The following MEPCE variants were observed in gnomAD, a reference collection of about 807,000 sequenced individuals.
The protein encoded by MEPCE is methylphosphate capping enzyme, also known as 7SK snRNA methylphosphate capping enzyme.
MEPCE carries 9 observed loss-of-function variants against 52.3 expected under a neutral mutation model. That is an observed-to-expected ratio of 0.17 (90% CI 0.10 to 0.30). The LOEUF is 0.30. Ranked by LOEUF, MEPCE falls within the 10% of genes least tolerant of loss-of-function variation. The pLI is 1.00. For missense variants in MEPCE, 826 were observed against 933.0 expected (o/e 0.89, Z 1.49); for synonymous variants, 477 against 401.6 (o/e 1.19, Z -2.25).
Position 100,429,958 on chromosome 7 carries a change from G to GGGGGGGTTAGGGTCCAGGCA in MEPCE, c.-50_-49insGTCCAGGCAGGGGGGTTAGG. The stretch of plus-strand genomic sequence containing the variant: ...GGGGGAAGGGAGCAGGGTCCAGGCA[G>GGGGGGGTTAGGGTCCAGGCA]GGGGGGTTAGGCCCCCTGATCCCCC... On this transcript the variant is annotated 5_prime_UTR_variant, in exon 1 of 4. Transcript: ENST00000310512. 1.7e-6 allele frequency: 2 copies of GGGGGGGTTAGGGTCCAGGCA among 1,148,712 alleles called. No individual in the cohort carries two copies. Among genetic ancestry groups the GGGGGGGTTAGGGTCCAGGCA allele is most frequent in the Non-Finnish European group, 2.2e-6 (2 of 908,788 alleles). 71.2% of individuals were successfully genotyped at this position (1,148,712 alleles called of 1,614,324 possible). A position where few individuals can be genotyped will look rare whatever the true frequency, so the allele number is the denominator to read the frequency against.
intron 1 of MEPCE, 73 bp from the exon 2 acceptor site, chr7:100,432,846 T>C (rs1268040359): frequency 7.2e-7 from 1 of 1,388,562 alleles, no homozygotes; most frequent in African/African-American, 1.4e-5. Context: ...TGTATCGGCC[T>C]CAGAGCAGGT....
chr7:100,432,498 G>GA (rs967308940), intron 1 of MEPCE, among the ~76,000 whole-genome samples: 5 of 152,196 alleles, frequency 3.3e-5, no homozygotes, highest in African/African-American at 9.7e-5. Context: ...GAATAGGCCT[G>GA]AAACTTTGCC....
At position 100,433,796 on chromosome 7, in the gene MEPCE, C is replaced by CTGGA. The variant is rs762907981; in HGVS notation, c.*246_*249dup. Reference sequence around the variant, plus strand: ...TCTTCCTCTCCCCCAGCCTCCCAGGCTGGATGGCATGGACTGTTTGCTGAC... The same window carrying CTGGA: ...TCTTCCTCTCCCCCAGCCTCCCAGGCTGGATGGATGGCATGGACTGTTTGCTGAC... On this transcript the variant is annotated 3_prime_UTR_variant, in exon 4 of 4. Transcript: ENST00000310512. 1 of 576,080 alleles carries CTGGA rather than the reference C, an allele frequency of 1.7e-6. No individual in the cohort carries two copies. Among genetic ancestry groups the CTGGA allele is most frequent in the Non-Finnish European group, 3.1e-6 (1 of 324,598 alleles). 35.7% of individuals were successfully genotyped at this position (576,080 alleles called of 1,614,324 possible).
In MEPCE at chr7:100,430,134, C is replaced by T; in HGVS notation, c.116C>T (p.Ala39Val). 1 of 1,290,588 alleles carries T rather than the reference C, an allele frequency of 7.7e-7. No individual in the cohort carries two copies. Among genetic ancestry groups the T allele is most frequent in the Non-Finnish European group, 9.8e-7 (1 of 1,020,486 alleles). 79.9% of individuals were successfully genotyped at this position (1,290,588 alleles called of 1,614,324 possible). The change falls in exon 1 of 4, where the codon GCC becomes GTC. Residue 39 changes from alanine to valine, a missense_variant. This residue lies in a region of MEPCE where 314 missense variants were observed against 277.7 expected (regional missense o/e 1.13). Coordinates refer to ENST00000310512, the MANE Select transcript of MEPCE (RefSeq NM_019606.6). Reference protein sequence around the residue: ...GPTVPPHQEAASGELRGGTER... With the variant: ...GPTVPPHQEAVSGELRGGTER... The stretch of plus-strand genomic sequence containing the variant: ...ACGGTGCCACCGCACCAAGAGGCCG[C>T]CTCTGGGGAGCTCCGCGGCGGGACG...
In MEPCE at chr7:100,430,607, C is replaced by T; in HGVS notation, c.589C>T (p.Leu197=). The change falls in exon 1 of 4, where the codon CTG becomes TTG. Residue 197 remains leucine, a synonymous_variant. Coordinates refer to ENST00000310512, the MANE Select transcript of MEPCE (RefSeq NM_019606.6). The part of the protein sequence containing the change: ...LGGNIFDPLN[L]NSLLDEEVSR... ...GGGCAATATCTTTGATCCCCTGAAC[C>T]TGAATAGCCTCCTGGATGAGGAAGT... is the stretch of plus-strand genomic sequence containing the variant. 1.2e-6 allele frequency: 2 copies of T among 1,612,618 alleles called. No individual in the cohort carries two copies. Among genetic ancestry groups the T allele is most frequent in the Non-Finnish European group, 1.7e-6 (2 of 1,179,582 alleles).
In MEPCE at chr7:100,430,351, C is replaced by A. The variant is rs745693430; in HGVS notation, c.333C>A (p.Asp111Glu). Residue 111 changes from aspartate (D) to glutamate (E), a missense_variant, in exon 1 of 4, where the codon GAC (aspartate) becomes GAA (glutamate). Physicochemically the swap from Asp to Glu is conservative, Grantham distance 45. Around this residue, in one of 7 missense-constraint regions of MEPCE, gnomAD observed 314 missense variants for 277.7 expected, o/e 1.13. Coordinates refer to ENST00000310512, the MANE Select transcript of MEPCE (RefSeq NM_019606.6). Reference protein sequence around the residue: ...SDPPGRAAPPDVGEERRGGGG... With the variant: ...SDPPGRAAPPEVGEERRGGGG... ...CCCCGGGGCGAGCCGCTCCCCCGGA[C>A]GTGGGGGAGGAGCGCCGGGGAGGGG... 2.2e-5 allele frequency: 32 copies of A among 1,430,974 alleles called. No homozygotes were observed. Among genetic ancestry groups the A allele is most frequent in the Non-Finnish European group, 2.8e-5 (31 of 1,095,178 alleles). The allele number at this position is 1,430,974 out of a possible 1,614,324, so 88.6% of individuals were successfully genotyped here. A position where few individuals can be genotyped will look rare whatever the true frequency, so the allele number is the denominator to read the frequency against.
At chr7:100,433,459 T>C (rs374583999) in intron 3 of MEPCE, 43 bp from the exon 4 acceptor site, 41 of 1,613,914 alleles carry the variant, frequency 2.5e-5, no homozygotes, top group Non-Finnish European at 3.3e-5. Flanking sequence ...TGGGGATTCT[T>C]GAGGTGCTGC....
At position 100,430,264 on chromosome 7, in the gene MEPCE, G is replaced by A; in HGVS notation, c.246G>A (p.Ala82=). ...CCACCTCCTCCAGTGGTCCCCAGGCGCAGCAGCACCGAGGGGGCGGCCCCC... is the reference window on the plus strand; with the variant it reads ...CCACCTCCTCCAGTGGTCCCCAGGCACAGCAGCACCGAGGGGGCGGCCCCC... ...AAATSSSGPQ[A]QQHRGGGPQA... Residue 82 remains alanine (A), a synonymous_variant, in exon 1 of 4, where the codon GCG becomes GCA. Transcript: ENST00000310512. The A allele has an allele frequency of 7.3e-7, 1 of 1,369,934 alleles. No homozygotes were observed. The highest frequency in any genetic ancestry group is 9.4e-7 in the Non-Finnish European group (1 of 1,066,714). The allele number at this position is 1,369,934 out of a possible 1,614,324, so 84.9% of individuals were successfully genotyped here.
chr7:100,432,371 T>C (rs1018001102), intron 1 of MEPCE, among the ~76,000 whole-genome samples: 2 of 152,172 alleles, frequency 1.3e-5, no homozygotes, highest in African/African-American at 4.8e-5. Flanking sequence ...CTGGGATCTT[T>C]GGCATTGTGT....
rs1798582520 is a variant in MEPCE, at chr7:100,430,209, C to T, written c.191C>T (p.Ala64Val). The T allele has an allele frequency of 2.3e-6, 3 of 1,311,244 alleles. No individual in the cohort carries two copies. The highest frequency in any genetic ancestry group is 4.6e-5 in the South Asian group (2 of 43,910). The allele number at this position is 1,311,244 out of a possible 1,614,324, so 81.2% of individuals were successfully genotyped here. ...CAPSAGSPAAAVGRESPGAAA... is the reference protein window; with the variant it reads ...CAPSAGSPAAVVGRESPGAAA... ...CCATCTGCGGGGTCCCCAGCCGCTGCGGTCGGTCGGGAAAGCCCCGGGGCC... is the reference window on the plus strand; with the variant it reads ...CCATCTGCGGGGTCCCCAGCCGCTGTGGTCGGTCGGGAAAGCCCCGGGGCC... Residue 64 changes from alanine to valine, a missense_variant, in exon 1 of 4, where the codon GCG (alanine) becomes GTG (valine). Ala to Val is a moderately conservative substitution (Grantham distance 64, BLOSUM62 0). This residue lies in a region of MEPCE where 314 missense variants were observed against 277.7 expected (regional missense o/e 1.13). Transcript: ENST00000310512.
chr7:100,433,327 C>T lies in MEPCE; in HGVS notation c.1955C>T (p.Thr652Ile), dbSNP rs147182457. The T allele has an allele frequency of 3.7e-6, 6 of 1,614,186 alleles. No individual in the cohort carries two copies. In the African/African-American group the frequency reaches 5.3e-5, roughly 14 times the overall value. Residue 652 changes from threonine (T) to isoleucine (I), a missense_variant, in exon 3 of 4, where the codon ACA becomes ATA. Around this residue, in one of 7 missense-constraint regions of MEPCE, gnomAD observed 82 missense variants for 121.4 expected, o/e 0.68. Coordinates refer to ENST00000310512, the MANE Select transcript of MEPCE (RefSeq NM_019606.6). ...CCAGAGCAGTTCAGTTCCTACCTGA[C>T]ATCCCCAGACGTGGGCTTCTCCAGC... ...LKPEQFSSYL[T>I]SPDVGFSSYE... is the part of the protein sequence containing the mutation.
At chr7:100,433,470 C>T (rs200682032) in intron 3 of MEPCE, 32 bp from the exon 4 acceptor site, 1 of 1,614,016 alleles carries the variant, frequency 6.2e-7, no homozygotes, top group South Asian at 1.1e-5. Context: ...GAGGTGCTGC[C>T]AACCCCTTCT....
Position 100,430,478 on chromosome 7 carries a change from A to C in MEPCE, c.460A>C (p.Asn154His), listed in dbSNP as rs776008948. The change falls in exon 1 of 4, where the codon AAT (asparagine) becomes CAT (histidine). Residue 154 changes from asparagine (N) to histidine (H), a missense_variant. Asn to His is a moderately conservative substitution (Grantham distance 68). This residue lies in a region of MEPCE where 314 missense variants were observed against 277.7 expected (regional missense o/e 1.13). Transcript: ENST00000310512. Reference protein sequence around the residue: ...GGGGKRRNSCNVGGGGGGFKH... With the variant: ...GGGGKRRNSCHVGGGGGGFKH... Reference sequence around the variant, plus strand: ...CGGGGGCAAGAGGAGAAATAGCTGTAATGTAGGGGGAGGCGGGGGAGGCTT... The same window carrying C: ...CGGGGGCAAGAGGAGAAATAGCTGTCATGTAGGGGGAGGCGGGGGAGGCTT... The C allele has an allele frequency of 7.6e-6, 12 of 1,569,746 alleles. No homozygotes were observed. The highest frequency in any genetic ancestry group is 1.7e-4 in the Middle Eastern group (1 of 5,902).
At position 100,433,607 on chromosome 7, in the gene MEPCE, C is replaced by CCT; in HGVS notation, c.*54_*55dup. 3 of 1,555,264 alleles carry CCT rather than the reference C, an allele frequency of 1.9e-6. No homozygotes were observed. In the African/African-American group the frequency reaches 4.1e-5, roughly 21 times the overall value. ...AGGCTGCCCTCGCTGCTCATAAGGA[C>CCT]CTGGGGGAAGAGGAAAGTGTCCCAA... On this transcript the variant is annotated 3_prime_UTR_variant, in exon 4 of 4. Coordinates refer to ENST00000310512, the MANE Select transcript of MEPCE (RefSeq NM_019606.6).
chr7:100,430,932 A>G lies in MEPCE; in HGVS notation c.914A>G (p.His305Arg). The change falls in exon 1 of 4, where the codon CAC (histidine) becomes CGC (arginine). Residue 305 changes from histidine (H) to arginine (R), a missense_variant. By Grantham distance (29) the His-to-Arg change is conservative. Coordinates refer to ENST00000310512, the MANE Select transcript of MEPCE (RefSeq NM_019606.6). ...GAGGGCGCCTCACAGCAGCCGCGGC[A>G]CAGGGGCCAGAACCGGGATGCCCCC... ...HGEGASQQPRHRGQNRDAPQP... is the reference protein window; with the variant it reads ...HGEGASQQPRRRGQNRDAPQP... The G allele has an allele frequency of 6.2e-7, 1 of 1,608,970 alleles. No homozygotes were observed. Among genetic ancestry groups the G allele is most frequent in the Non-Finnish European group, 8.5e-7 (1 of 1,176,918 alleles).
At position 100,433,322 on chromosome 7, in the gene MEPCE, C is replaced by T. The variant is rs1798776536; in HGVS notation, c.1950C>T (p.Tyr650=). 1 of 1,614,206 alleles carries T rather than the reference C, an allele frequency of 6.2e-7. No homozygotes were observed. The highest frequency in any genetic ancestry group is 8.5e-7 in the Non-Finnish European group (1 of 1,180,042). ...IQLKPEQFSS[Y]LTSPDVGFSS... Reference sequence around the variant, plus strand: ...TGAAGCCAGAGCAGTTCAGTTCCTACCTGACATCCCCAGACGTGGGCTTCT... The same window carrying T: ...TGAAGCCAGAGCAGTTCAGTTCCTATCTGACATCCCCAGACGTGGGCTTCT... The change falls in exon 3 of 4, where the codon TAC becomes TAT. Residue 650 remains tyrosine, a synonymous_variant. Coordinates refer to ENST00000310512, the MANE Select transcript of MEPCE (RefSeq NM_019606.6).
Position 100,431,389 on chromosome 7 carries a change from G to C in MEPCE, c.1371G>C (p.Leu457=). 1 of 1,614,178 alleles carries C rather than the reference G, an allele frequency of 6.2e-7. No homozygotes were observed. The highest frequency in any genetic ancestry group is 1.1e-5 in the South Asian group (1 of 91,088). ...VLDLGCNVGH[L]TLSIACKWGP... is the part of the protein sequence containing the mutation. ...ATCTGGGCTGCAATGTGGGCCATCT[G>C]ACCCTGAGCATTGCCTGCAAGTGGG... Residue 457 remains leucine (L), a synonymous_variant, in exon 1 of 4, where the codon CTG becomes CTC. Coordinates refer to ENST00000310512, the MANE Select transcript of MEPCE (RefSeq NM_019606.6).
rs961654552 is a variant in MEPCE at position 100,433,137 on chromosome 7, A to G, written c.1890A>G (p.Thr630=). The G allele has an allele frequency of 3.1e-6, 5 of 1,613,950 alleles. No homozygotes were observed. Among genetic ancestry groups the G allele is most frequent in the Non-Finnish European group, 1.7e-6 (2 of 1,180,020 alleles). Residue 630 remains threonine, a splice_region_variant and synonymous_variant, in exon 2 of 4, where the codon ACA becomes ACG. Coordinates refer to ENST00000310512, the MANE Select transcript of MEPCE (RefSeq NM_019606.6). The part of the protein sequence containing the change: ...WSSYGKRKTL[T]ETIYKNYYRI... ...CGTATGGCAAGAGAAAGACTCTTAC[A>G]GTGAGTTGGGTGTTGGGGGAATAGT...
In MEPCE at chr7:100,430,619, C is replaced by G; in HGVS notation, c.601C>G (p.Leu201Val). The G allele has an allele frequency of 6.2e-7, 1 of 1,613,350 alleles. No individual in the cohort carries two copies. ...IFDPLNLNSLLDEEVSRTLNA... is the reference protein window; with the variant it reads ...IFDPLNLNSLVDEEVSRTLNA... Reference sequence around the variant, plus strand: ...TGATCCCCTGAACCTGAATAGCCTCCTGGATGAGGAAGTGAGCCGCACTCT... The same window carrying G: ...TGATCCCCTGAACCTGAATAGCCTCGTGGATGAGGAAGTGAGCCGCACTCT... The change falls in exon 1 of 4, where the codon CTG (leucine) becomes GTG (valine). Residue 201 changes from leucine (L) to valine (V), a missense_variant. Around this residue, in one of 7 missense-constraint regions of MEPCE, gnomAD observed 4 missense variants for 21.8 expected, o/e 0.18. Transcript: ENST00000310512.
Sources: gnomAD v4.1 joint callset for allele counts (sites outside exome capture counted in the v4.1 genomes callset) on GRCh38, gnomAD v4.1.1 for gene constraint, gnomAD v4.1.1 regional missense constraint, MANE v1.5 for transcripts, NCBI Gene and HGNC (gene_info 2026-07-23, HGNC 2026-07-21) for gene names.